Variants in PTPDC1 observed in about 807,000 individuals in gnomAD.
PTPDC1 encodes the protein protein tyrosine phosphatase domain containing 1.
PTPDC1 carries 53 observed loss-of-function variants against 75.3 expected under a neutral mutation model. That is an observed-to-expected ratio of 0.70 (90% confidence interval 0.56 to 0.88). The LOEUF (loss-of-function observed/expected upper bound fraction) is 0.88. Ranked by LOEUF, PTPDC1 falls within the 40% of genes least tolerant of loss-of-function variation. The pLI is 0.00. For missense variants in PTPDC1, 925 were observed against 998.6 expected, an observed-to-expected ratio of 0.93 and a Z score of 0.99; for synonymous variants, 349 against 366.2, an observed-to-expected ratio of 0.95 and a Z score of 0.54.
At position 94,097,724 on chromosome 9, in the gene PTPDC1, G is replaced by A. The variant is rs1270228797; in HGVS notation, c.1158G>A (p.Leu386=). ...TGTCTGAGATGGTCACCATGCAGCT[G>A]GATAAAGAGTTACTGAGGCATGACA... is the stretch of plus-strand genomic sequence containing the variant. The part of the protein sequence containing the change: ...KTMSEMVTMQ[L]DKELLRHDSD... The change falls in exon 6 of 9, where the codon CTG becomes CTA. Residue 386 remains leucine, a synonymous_variant. Transcript: ENST00000620992. 12 of 1,614,126 alleles carry A rather than the reference G, an allele frequency of 7.4e-6. No homozygotes were observed. Among genetic ancestry groups the A allele is most frequent in the Non-Finnish European group, 1.0e-5 (12 of 1,179,974 alleles).
intron 1 of PTPDC1, among the ~76,000 whole-genome samples, chr9:94,049,207 T>G (rs527500570): frequency 3.9e-5 from 6 of 152,304 alleles, no homozygotes; most frequent in African/African-American, 1.4e-4. Flanking sequence ...CATTTACATT[T>G]AAGGTTAATA....
chr9:94,090,316 C>G (rs199512650), intron 4 of PTPDC1, among the ~76,000 whole-genome samples: 26,381 of 98,764 alleles, frequency 0.27, 3,636 homozygotes, highest in Admixed American at 0.34. Flanking sequence ...AGTTTTCCCA[C>G]CACCATTTAT....
intron 1 of PTPDC1, among the ~76,000 whole-genome samples, chr9:94,060,018 A>G (rs1248208268): frequency 1.3e-5 from 2 of 152,198 alleles, no homozygotes; most frequent in Admixed American, 6.5e-5. Context: ...AGTTCTGGGC[A>G]CTAGAATATT....
chr9:94,104,140 T>G (rs1399969203), intron 7 of PTPDC1, 135 bp from the exon 8 acceptor site: 7 of 551,618 alleles, frequency 1.3e-5, no homozygotes, highest in Non-Finnish European at 2.0e-5. Context: ...TGTTTAGATA[T>G]TTTGTTAGAT....
intron 1 of PTPDC1, among the ~76,000 whole-genome samples, chr9:94,046,252 A>G (rs1323952182): frequency 2.0e-5 from 3 of 152,076 alleles, no homozygotes; most frequent in Admixed American, 6.6e-5. Context: ...CTGTAGCCTT[A>G]TAGTACAGTT....
chr9:94,032,106 A>G (rs1167274936), intron 1 of PTPDC1, among the ~76,000 whole-genome samples: 1 of 152,206 alleles, frequency 6.6e-6, no homozygotes, highest in Admixed American at 6.5e-5. Context: ...CAGAGCTATT[A>G]ATATTAAATG....
At chr9:94,071,191 T>G (rs1209778091) in intron 2 of PTPDC1, among the ~76,000 whole-genome samples, 2 of 152,216 alleles carry the variant, frequency 1.3e-5, no homozygotes, top group African/African-American at 4.8e-5. Context: ...TTATCAGTAT[T>G]TATTTTAGCC....
Position 94,097,333 on chromosome 9 carries a change from C to T in PTPDC1, c.767C>T (p.Ala256Val). 4 of 1,604,260 alleles carry T rather than the reference C, an allele frequency of 2.5e-6. No individual in the cohort carries two copies. Among genetic ancestry groups the T allele is most frequent in the Non-Finnish European group, 3.4e-6 (4 of 1,173,734 alleles). The change falls in exon 6 of 9, where the codon GCC becomes GTC. Residue 256 changes from alanine (A) to valine (V), a missense_variant. Ala to Val is a moderately conservative substitution (Grantham distance 64). Transcript: ENST00000620992. ...AGLGRTGVLI[A>V]CYLVFATRMT... is the part of the protein sequence containing the mutation. ...CTTCACTGTTTAGGTGTTTTAATAGCCTGTTACTTAGTTTTTGCAACGAGA... is the reference window on the plus strand; with the variant it reads ...CTTCACTGTTTAGGTGTTTTAATAGTCTGTTACTTAGTTTTTGCAACGAGA...
At chr9:94,043,401 G>A (rs531389652) in intron 1 of PTPDC1, among the ~76,000 whole-genome samples, 1 of 152,022 alleles carries the variant, frequency 6.6e-6, no homozygotes, top group Admixed American at 6.5e-5. Context: ...ATGTTTTTTA[G>A]TAGAAATTTT....
At chr9:94,091,936 T>G (rs1827338426) in intron 4 of PTPDC1, among the ~76,000 whole-genome samples, 1 of 151,564 alleles carries the variant, frequency 6.6e-6, no homozygotes, top group Non-Finnish European at 1.5e-5. Flanking sequence ...GATATCCCCT[T>G]TATCATTTTT....
chr9:94,047,294 G>C (rs1825635136), intron 1 of PTPDC1, among the ~76,000 whole-genome samples: 4 of 152,134 alleles, frequency 2.6e-5, no homozygotes, highest in African/African-American at 7.2e-5. Context: ...AAGGATATTG[G>C]TCTAAAATTC....
upstream of PTPDC1, among the ~76,000 whole-genome samples, chr9:94,080,952 A>T (rs1239779948): frequency 1.3e-5 from 2 of 152,048 alleles, no homozygotes; most frequent in Admixed American, 6.6e-5. Flanking sequence ...AAGTTACTCT[A>T]AAAAATTCAA....
intron 1 of PTPDC1, among the ~76,000 whole-genome samples, chr9:94,054,286 A>G (rs1304499358): frequency 1.3e-5 from 2 of 152,214 alleles, no homozygotes; most frequent in African/African-American, 2.4e-5. Context: ...GACTGGCTGA[A>G]GTTCACAGGA....
At chr9:94,077,655 T>G (rs2117936600) in intron 2 of PTPDC1, among the ~76,000 whole-genome samples, 1 of 152,304 alleles carries the variant, frequency 6.6e-6, no homozygotes, top group Non-Finnish European at 1.5e-5. Context: ...GCAACCTCCA[T>G]GTTCTCAGCT....
At position 94,098,415 on chromosome 9, in the gene PTPDC1, C is replaced by T. The variant is rs762918187; in HGVS notation, c.1849C>T (p.His617Tyr). Residue 617 changes from histidine (H) to tyrosine (Y), a missense_variant, in exon 6 of 9, where the codon CAT becomes TAT. Physicochemically the swap from His to Tyr is moderately conservative, Grantham distance 83. Coordinates refer to ENST00000620992, the MANE Select transcript of PTPDC1 (RefSeq NM_001253829.2). ...TCCCAAAGCACAGTTCTTGGTTGAA[C>T]ATGAAACCCAGGACAGTAAAGATCT... ...SSPKAQFLVE[H>Y]ETQDSKDLSE... 2 of 1,614,194 alleles carry T rather than the reference C, an allele frequency of 1.2e-6. No individual in the cohort carries two copies. Among genetic ancestry groups the T allele is most frequent in the Admixed American group, 3.3e-5 (2 of 60,026 alleles).
chr9:94,064,456 T>G (rs541348795), intron 1 of PTPDC1, among the ~76,000 whole-genome samples: 5 of 152,360 alleles, frequency 3.3e-5, no homozygotes, highest in Admixed American at 3.3e-4. Context: ...CTGTATCATT[T>G]GAGCAATACA....
At chr9:94,081,570 T>C (rs999023889), upstream of PTPDC1, among the ~76,000 whole-genome samples, 1 of 152,212 alleles carries the variant, frequency 6.6e-6, no homozygotes, top group Non-Finnish European at 1.5e-5. Context: ...TCGATTGTGT[T>C]GCATGCTGCT....
chr9:94,046,388 A>T (rs887907097), intron 1 of PTPDC1, among the ~76,000 whole-genome samples: 15 of 152,204 alleles, frequency 9.9e-5, no homozygotes, highest in Non-Finnish European at 2.1e-4. Flanking sequence ...GAAGAAAGTC[A>T]TCGGTAGCTT....
At chr9:94,096,364 A>G (rs753686438) in intron 5 of PTPDC1, among the ~76,000 whole-genome samples, 13 of 152,156 alleles carry the variant, frequency 8.5e-5, no homozygotes, top group Non-Finnish European at 1.0e-4. Context: ...TTTTACATTT[A>G]TACTAAGATC....
Sources: allele counts gnomAD v4.1 joint callset (sites outside exome capture counted in the v4.1 genomes callset), GRCh38; gene constraint gnomAD v4.1.1; transcripts MANE v1.5; gene names NCBI Gene and HGNC (gene_info 2026-07-23, HGNC 2026-07-21).